SLC13A4: variants seen among roughly 807,000 people sequenced by gnomAD.
The protein encoded by SLC13A4 is solute carrier family 13 member 4.
A neutral mutation model predicts 72.7 loss-of-function variants in SLC13A4; 28 were observed. That is an observed-to-expected ratio of 0.39 (90% CI 0.29 to 0.53). The LOEUF is 0.53. Among genes scored for constraint, SLC13A4 ranks in the 20% least tolerant of loss-of-function variants. SLC13A4 has a pLI of 0.78. For synonymous variants in SLC13A4, 312 were observed against 325.5 expected, an observed-to-expected ratio of 0.96 and a Z score of 0.45; for missense variants, 653 against 788.0, an observed-to-expected ratio of 0.83 and a Z score of 2.05.
chr7:135,695,762 C>T (rs1795889312), intron 8 of SLC13A4, among the ~76,000 whole-genome samples: 1 of 152,158 alleles, frequency 6.6e-6, no homozygotes, highest in Admixed American at 6.5e-5. Context: ...GAGAATGACT[C>T]AGGACGTGTT....
At chr7:135,722,671 C>A (rs191786554) in intron 1 of SLC13A4, among the ~76,000 whole-genome samples, 14 of 152,044 alleles carry the variant, frequency 9.2e-5, no homozygotes, top group African/African-American at 2.9e-4. Context: ...GCTGAAACAA[C>A]TTGATTCAGT....
rs1442770305 is a variant in SLC13A4 at position 135,706,316 on chromosome 7, G to C, written c.366-16C>G. 1 of 1,592,102 alleles carries C rather than the reference G, an allele frequency of 6.3e-7. No homozygotes were observed. The highest frequency in any genetic ancestry group is 8.6e-7 in the Non-Finnish European group (1 of 1,165,298). The stretch of plus-strand genomic sequence containing the variant: ...GAGCAGCAGCCTGGAAGGCAGGGAG[G>C]GTTGGGGCAGAGCGTCCACGGAACA... On this transcript the variant is annotated splice_polypyrimidine_tract_variant and intron_variant, in intron 3 of 15. Coordinates refer to ENST00000682651, the MANE Select transcript of SLC13A4 (RefSeq NM_001318192.2).
chr7:135,710,759 T>C (rs1232273332), intron 2 of SLC13A4, among the ~76,000 whole-genome samples: 1 of 152,214 alleles, frequency 6.6e-6, no homozygotes, highest in East Asian at 1.9e-4. Flanking sequence ...GGACATTTCA[T>C]TGCATCTGGT....
intron 8 of SLC13A4, among the ~76,000 whole-genome samples, chr7:135,698,625 G>A (rs1430241465): frequency 2.1e-5 from 3 of 140,130 alleles, no homozygotes; most frequent in Non-Finnish European, 4.5e-5. Flanking sequence ...GTGAGCCACC[G>A]TGCTGGGACT....
chr7:135,694,684 A>G (rs1392847171), intron 9 of SLC13A4, among the ~76,000 whole-genome samples: 1 of 152,238 alleles, frequency 6.6e-6, no homozygotes, highest in African/African-American at 2.4e-5. Context: ...AAACAAACAC[A>G]CAAACATCTG....
rs568254551 is a variant in SLC13A4, at chr7:135,725,837, T to C, written c.99+1561A>G. ...AAAATTAGCTGCATGTGGTGGTACTTGCTTGCCTGTAGTCCCAGCTACTCC... is the reference window on the plus strand; with the variant it reads ...AAAATTAGCTGCATGTGGTGGTACTCGCTTGCCTGTAGTCCCAGCTACTCC... On this transcript the variant is annotated intron_variant, in intron 1 of 15. Coordinates refer to ENST00000682651, the MANE Select transcript of SLC13A4 (RefSeq NM_001318192.2). 2.0e-5 allele frequency among the ~76,000 whole-genome samples: 3 copies of C among 152,234 alleles called. 1 individual carries two copies. Among genetic ancestry groups the C allele is most frequent in the African/African-American group, 7.2e-5 (3 of 41,532 alleles).
In SLC13A4 at chr7:135,681,530, C is replaced by T. The variant is rs775708387; in HGVS notation, c.*33G>A. On this transcript the variant is annotated 3_prime_UTR_variant, in exon 16 of 16. Coordinates refer to ENST00000682651, the MANE Select transcript of SLC13A4 (RefSeq NM_001318192.2). ...TCCAGATACTGCTGGATACTGGCAG[C>T]TCCTGTGGTTGGGCCAGTTTGTACA... 1 of 1,602,096 alleles carries T rather than the reference C, an allele frequency of 6.2e-7. No individual in the cohort carries two copies. The highest frequency in any genetic ancestry group is 8.5e-7 in the Non-Finnish European group (1 of 1,172,876).
rs201593384 is a variant in SLC13A4 at position 135,727,382 on chromosome 7, G to A, written c.99+16C>T. On this transcript the variant is annotated intron_variant, in intron 1 of 15. Coordinates refer to ENST00000682651, the MANE Select transcript of SLC13A4 (RefSeq NM_001318192.2). ...ACTGACTCCCAGACCCCCGGTGGGCGCAGGTCGGTACTCACGCTGCTGGGG... is the reference window on the plus strand; with the variant it reads ...ACTGACTCCCAGACCCCCGGTGGGCACAGGTCGGTACTCACGCTGCTGGGG... 6 of 1,548,044 alleles carry A rather than the reference G, an allele frequency of 3.9e-6. No homozygotes were observed. Among genetic ancestry groups the A allele is most frequent in the South Asian group, 2.4e-5 (2 of 83,874 alleles).
Position 135,721,523 on chromosome 7 carries a change from C to T in SLC13A4, c.100G>A (p.Glu34Lys). 6.2e-7 allele frequency: 1 copy of T among 1,613,872 alleles called. No homozygotes were observed. Among genetic ancestry groups the T allele is most frequent in the Non-Finnish European group, 8.5e-7 (1 of 1,179,814 alleles). ...ATCAGCACGTAAGCACACGAGGCCT[C>T]CTGCAAGGCAAGGAAAGGGGCCGTC... ...LPLPVLHPSS[E>K]ASCAYVLIVT... Residue 34 changes from glutamate (E) to lysine (K), a missense_variant and splice_region_variant, in exon 2 of 16, where the codon GAG (glutamate) becomes AAG (lysine). Coordinates refer to ENST00000682651, the MANE Select transcript of SLC13A4 (RefSeq NM_001318192.2).
intron 4 of SLC13A4, 198 bp from the exon 5 acceptor site, chr7:135,705,848 T>G (rs1796147908): frequency 3.3e-6 from 2 of 597,456 alleles, no homozygotes; most frequent in Non-Finnish European, 6.0e-6. Flanking sequence ...CCTTGAGCAT[T>G]TGGGGGCAAA....
chr7:135,716,139 CATGGAAGCCTGGACTT>C (rs772592279), intron 2 of SLC13A4, among the ~76,000 whole-genome samples: 2 of 151,828 alleles, frequency 1.3e-5, no homozygotes, highest in African/African-American at 2.4e-5. Context: ...AGTGTGGAGC[CATGGAAGCCTGGACTT>C]ATGGAAGCCT....
At chr7:135,684,717 A>G (rs533433175) in intron 14 of SLC13A4, among the ~76,000 whole-genome samples, 1 of 150,284 alleles carries the variant, frequency 6.7e-6, no homozygotes, top group South Asian at 2.1e-4. Flanking sequence ...TCCTGCTCTC[A>G]ATGTTGCCAA....
chr7:135,687,213 C>T (rs900997243), intron 13 of SLC13A4, among the ~76,000 whole-genome samples: 1 of 151,846 alleles, frequency 6.6e-6, no homozygotes, highest in Admixed American at 6.6e-5. Flanking sequence ...CCATATGCAT[C>T]CTGCCTCCCT....
intron 1 of SLC13A4, 81 bp downstream of exon 1, chr7:135,727,317 G>C: frequency 6.7e-7 from 1 of 1,499,156 alleles, no homozygotes. Context: ...CTGCCTGAGC[G>C]CCCCATGTTC....
At chr7:135,723,053 T>G (rs1192852066) in intron 1 of SLC13A4, among the ~76,000 whole-genome samples, 1 of 152,152 alleles carries the variant, frequency 6.6e-6, no homozygotes, top group Non-Finnish European at 1.5e-5. Context: ...CGGTAGCACT[T>G]CCTCCACTGT....
chr7:135,687,574 C>T (rs1317408480), intron 13 of SLC13A4, among the ~76,000 whole-genome samples: 20 of 152,110 alleles, frequency 1.3e-4, no homozygotes, highest in Non-Finnish European at 2.5e-4. Context: ...TTTTTCCTCT[C>T]AACTCACTGA....
At chr7:135,721,088 T>C (rs185118409) in intron 2 of SLC13A4, among the ~76,000 whole-genome samples, 6 of 152,300 alleles carry the variant, frequency 3.9e-5, no homozygotes, top group Admixed American at 3.9e-4. Context: ...AGCTGAGTTT[T>C]AGGCATCAAT....
intron 2 of SLC13A4, among the ~76,000 whole-genome samples, chr7:135,708,956 G>A: frequency 9.2e-6 from 1 of 108,278 alleles, no homozygotes; most frequent in Non-Finnish European, 1.7e-5. Flanking sequence ...GTGAGATGGA[G>A]TCTCGCTCTG....
At chr7:135,703,165 A>G (rs916534148) in intron 5 of SLC13A4, 14 of 476,822 alleles carry the variant, frequency 2.9e-5, no homozygotes, top group Admixed American at 2.5e-4. Flanking sequence ...TATTAGATAC[A>G]GAGTGCACAT....
Sources: allele counts gnomAD v4.1 joint callset (sites outside exome capture counted in the v4.1 genomes callset), GRCh38; gene constraint gnomAD v4.1.1; transcripts MANE v1.5; gene names NCBI Gene and HGNC (gene_info 2026-07-23, HGNC 2026-07-21).